SLC22A9: variants seen among roughly 807,000 people sequenced by gnomAD.
The protein encoded by SLC22A9 is organic anion transporter 7.
SLC22A9 carries 64 observed loss-of-function variants against 50.1 expected under a neutral mutation model. The observed-to-expected ratio is 1.28, with a 90% CI of 1.04 to 1.57. SLC22A9 has a LOEUF of 1.57. Ranked by LOEUF, SLC22A9 falls within the 40% of genes most tolerant of loss-of-function variation. SLC22A9 has a pLI of 0.00. For synonymous variants in SLC22A9, 261 were observed against 242.5 expected (o/e 1.08, Z -0.71); for missense variants, 757 against 676.1 (o/e 1.12, Z -1.33).
intron 5 of SLC22A9, among the ~76,000 whole-genome samples, chr11:63,380,486 C>T (rs1406413673): frequency 6.6e-6 from 1 of 152,120 alleles, no homozygotes; most frequent in East Asian, 1.9e-4. Flanking sequence ...TGCATATACA[C>T]CATGGAATAC....
chr11:63,397,719 T>C (rs1222351948), intron 6 of SLC22A9, among the ~76,000 whole-genome samples: 1 of 152,068 alleles, frequency 6.6e-6, no homozygotes, highest in Non-Finnish European at 1.5e-5. Flanking sequence ...AAGGTCTAAG[T>C]GTTCTTCAGT....
At chr11:63,374,827 AT>A (rs2014432475) in intron 4 of SLC22A9, among the ~76,000 whole-genome samples, 1 of 152,114 alleles carries the variant, frequency 6.6e-6, no homozygotes, top group Non-Finnish European at 1.5e-5. Flanking sequence ...ATTTACTTTC[AT>A]AACTATCTAA....
intron 6 of SLC22A9, among the ~76,000 whole-genome samples, chr11:63,385,118 T>TTTC (rs2014641414): frequency 6.8e-6 from 1 of 147,618 alleles, no homozygotes; most frequent in South Asian, 2.1e-4. Flanking sequence ...TTTTTTTTTT[T>TTTC]TTTTTTTTTG....
At position 63,408,807 on chromosome 11, in the gene SLC22A9, G is replaced by T; in HGVS notation, c.1529G>T (p.Gly510Val). 1.2e-6 allele frequency: 2 copies of T among 1,613,872 alleles called. No homozygotes were observed. The highest frequency in any genetic ancestry group is 1.7e-6 in the Non-Finnish European group (2 of 1,179,906). Residue 510 changes from glycine to valine, a missense_variant, in exon 9 of 10, where the codon GGC (glycine) becomes GTC (valine). Coordinates refer to ENST00000279178, the MANE Select transcript of SLC22A9 (RefSeq NM_080866.3). The stretch of plus-strand genomic sequence containing the variant: ...TATGGAGTCTTCCCCTTCATCTCTG[G>T]CTTTGCTTTCCTCCTCCTTCCTGAA... ...IIYGVFPFISGFAFLLLPETR... is the reference protein window; with the variant it reads ...IIYGVFPFISVFAFLLLPETR...
intron 6 of SLC22A9, among the ~76,000 whole-genome samples, chr11:63,395,910 C>T (rs1370946521): frequency 6.6e-6 from 1 of 152,050 alleles, no homozygotes; most frequent in Non-Finnish European, 1.5e-5. Context: ...GTGAGGTTCC[C>T]AGGTCAAAGG....
intron 6 of SLC22A9, among the ~76,000 whole-genome samples, chr11:63,385,813 A>G (rs891274070): frequency 3.9e-5 from 6 of 152,158 alleles, no homozygotes; most frequent in Admixed American, 3.9e-4. Context: ...CGCCCTGGCC[A>G]GAACTTCCAA....
chr11:63,382,942 G>C (rs887093369), intron 6 of SLC22A9, among the ~76,000 whole-genome samples: 2 of 152,182 alleles, frequency 1.3e-5, no homozygotes, highest in Non-Finnish European at 2.9e-5. Context: ...TCAGTGCCAA[G>C]AGAGAACACC....
intron 8 of SLC22A9, 49 bp downstream of exon 8, chr11:63,408,269 A>T (rs2015074949): frequency 2.1e-6 from 3 of 1,427,762 alleles, no homozygotes. Flanking sequence ...GACCTTTCTC[A>T]GATAATTGAC....
At position 63,408,201 on chromosome 11, in the gene SLC22A9, G is replaced by A; in HGVS notation, c.1378G>A (p.Val460Ile). ...NTLAFAHGNE[V>I]IPTIIRARAM... ...CCTTGCTTTTGCCCATGGAAATGAA[G>A]TAATTCCCACCATAATCAGGTACAG... Residue 460 changes from valine to isoleucine, a missense_variant, in exon 8 of 10, where the codon GTA becomes ATA. Physicochemically the swap from Val to Ile is conservative, Grantham distance 29. Coordinates refer to ENST00000279178, the MANE Select transcript of SLC22A9 (RefSeq NM_080866.3). The A allele has an allele frequency of 6.2e-7, 1 of 1,613,608 alleles. No homozygotes were observed. Among genetic ancestry groups the A allele is most frequent in the Non-Finnish European group, 8.5e-7 (1 of 1,179,656 alleles).
Position 63,375,576 on chromosome 11 carries a change from T to G in SLC22A9, c.831-69T>G, listed in dbSNP as rs2014444970. The G allele has an allele frequency of 3.8e-6, 6 of 1,567,458 alleles. No individual in the cohort carries two copies. In the South Asian group the frequency reaches 7.2e-5, roughly 19 times the overall value. Reference sequence around the variant, plus strand: ...ATTAGCTTGGAGGGAGAAGACATCTTAAGAAAAAACTAATGTAAGAAATGA... The same window carrying G: ...ATTAGCTTGGAGGGAGAAGACATCTGAAGAAAAAACTAATGTAAGAAATGA... On this transcript the variant is annotated intron_variant, in intron 4 of 9. Transcript: ENST00000279178.
rs1164116719 is a variant in SLC22A9 at position 63,389,034 on chromosome 11, C to A, written c.1073+6757C>A. Among the ~76,000 whole-genome samples the A allele has an allele frequency of 2.6e-5, 4 of 152,094 alleles. 1 individual carries two copies. The highest frequency in any genetic ancestry group is 6.8e-3 in the Middle Eastern group (2 of 294). ...TCAGTTACAATGTCTCCTTTTTAAT[C>A]TCTGATTTATTTGGATCTTCTCTGT... On this transcript the variant is annotated intron_variant, in intron 6 of 9. Coordinates refer to ENST00000279178, the MANE Select transcript of SLC22A9 (RefSeq NM_080866.3).
intron 6 of SLC22A9, among the ~76,000 whole-genome samples, chr11:63,403,837 CAAT>C (rs2014992946): frequency 6.6e-6 from 1 of 151,396 alleles, no homozygotes; most frequent in Non-Finnish European, 1.5e-5. Flanking sequence ...ATCAATCAAT[CAAT>C]AAATAAACAA....
chr11:63,396,304 GC>G (rs963617890), intron 6 of SLC22A9, among the ~76,000 whole-genome samples: 1 of 152,114 alleles, frequency 6.6e-6, no homozygotes, highest in Admixed American at 6.5e-5. Flanking sequence ...TCTCTCCACA[GC>G]CCCCCACAAA....
intron 6 of SLC22A9, among the ~76,000 whole-genome samples, chr11:63,403,093 T>G (rs1399249575): frequency 6.6e-6 from 1 of 152,104 alleles, no homozygotes; most frequent in Non-Finnish European, 1.5e-5. Flanking sequence ...TTTCAGACTA[T>G]TAAGTGAAAT....
intron 6 of SLC22A9, among the ~76,000 whole-genome samples, chr11:63,395,587 C>T (rs1356907747): frequency 6.6e-6 from 1 of 152,102 alleles, no homozygotes; most frequent in Admixed American, 6.5e-5. Context: ...GGTCTCTCGG[C>T]CATGGATACC....
At chr11:63,389,012 G>A (rs997096597) in intron 6 of SLC22A9, among the ~76,000 whole-genome samples, 10 of 152,024 alleles carry the variant, frequency 6.6e-5, no homozygotes, top group South Asian at 4.1e-4. Context: ...TGTGGTATCA[G>A]TTACAATGTC....
intron 6 of SLC22A9, among the ~76,000 whole-genome samples, chr11:63,392,188 A>G (rs1273375728): frequency 2.0e-5 from 3 of 151,908 alleles, no homozygotes; most frequent in African/African-American, 7.2e-5. Flanking sequence ...TCTGAAATTT[A>G]TTCATTATTT....
At chr11:63,409,017 G>A (rs2015089647) in intron 9 of SLC22A9, 138 bp downstream of exon 9, 1 of 910,130 alleles carries the variant, frequency 1.1e-6, no homozygotes, top group Non-Finnish European at 1.8e-6. Context: ...AGTGCCTTAG[G>A]TCTAGGTACA....
At chr11:63,402,781 T>C (rs987660443) in intron 6 of SLC22A9, among the ~76,000 whole-genome samples, 1 of 152,148 alleles carries the variant, frequency 6.6e-6, no homozygotes, top group Admixed American at 6.6e-5. Context: ...CTTCTAGCCA[T>C]TATACCATAT....
Sources: allele counts gnomAD v4.1 joint callset (sites outside exome capture counted in the v4.1 genomes callset), GRCh38; gene constraint gnomAD v4.1.1; transcripts MANE v1.5; gene names NCBI Gene and HGNC (gene_info 2026-07-23, HGNC 2026-07-21).